The following DENND2B variants were observed in gnomAD, a reference collection of about 807,000 sequenced individuals.
DENND2B encodes DENN domain containing 2B.
DENND2B carries 32 observed loss-of-function variants against 116.0 expected under a neutral mutation model. The ratio of observed to expected loss-of-function variants is 0.28; its 90% CI spans 0.21 to 0.37. The LOEUF is 0.37. Among genes scored for constraint, DENND2B ranks in the 10% least tolerant of loss-of-function variants. The probability of loss-of-function intolerance (pLI) is 1.00; values close to 1 mark genes in which losing one functional copy is unlikely to be tolerated. For synonymous variants in DENND2B, 588 were observed against 583.9 expected (o/e 1.01, Z -0.10); for missense variants, 1,276 against 1,477.7 (o/e 0.86, Z 2.24).
intron 4 of DENND2B, among the ~76,000 whole-genome samples, chr11:8,827,314 G>A (rs2062016627): frequency 6.6e-6 from 1 of 152,206 alleles, no homozygotes; most frequent in African/African-American, 2.4e-5. Flanking sequence ...AGTGCCAGCA[G>A]AACACTCCCT....
intron 1 of DENND2B, among the ~76,000 whole-genome samples, chr11:8,899,010 TA>T (rs1566090982): frequency 6.6e-6 from 1 of 151,882 alleles, no homozygotes; most frequent in Non-Finnish European, 1.5e-5. Context: ...AGAATATCAA[TA>T]AAAATAAATT....
At chr11:8,792,428 A>C (rs1416190738) in intron 1 of DENND2B, among the ~76,000 whole-genome samples, 1 of 152,220 alleles carries the variant, frequency 6.6e-6, no homozygotes, top group Non-Finnish European at 1.5e-5. Flanking sequence ...TTGAAGGAAA[A>C]TATTTGCCTA....
chr11:8,795,691 A>G (rs2059753996), intron 1 of DENND2B, among the ~76,000 whole-genome samples: 2 of 152,134 alleles, frequency 1.3e-5, no homozygotes. Context: ...CATCTTCTAC[A>G]TGGTCTCCTA....
At chr11:8,796,272 T>C (rs2059805454) in intron 1 of DENND2B, among the ~76,000 whole-genome samples, 1 of 152,174 alleles carries the variant, frequency 6.6e-6, no homozygotes, top group Non-Finnish European at 1.5e-5. Flanking sequence ...CCGGACACAG[T>C]GGCTCACGCC....
Position 8,731,347 on chromosome 11 carries a change from A to C in DENND2B, c.81-138T>G, listed in dbSNP as rs1046642525. On this transcript the variant is annotated intron_variant, in intron 2 of 19. Coordinates refer to ENST00000313726, the MANE Select transcript of DENND2B (RefSeq NM_213618.2). ...TCTCAAAGAGTATTCTATTCAAGTA[A>C]TATACCTTGAAGGCTGTCTTCAAGG... 44 of 842,884 alleles carry C rather than the reference A, an allele frequency of 5.2e-5. 1 individual carries two copies. Among genetic ancestry groups the C allele is most frequent in the Non-Finnish European group, 5.2e-6 (3 of 572,230 alleles). The allele number at this position is 842,884 out of a possible 1,614,324, so 52.2% of individuals were successfully genotyped here.
At chr11:8,729,584 G>A (rs2047730420) in intron 3 of DENND2B, among the ~76,000 whole-genome samples, 2 of 152,118 alleles carry the variant, frequency 1.3e-5, no homozygotes, top group African/African-American at 2.4e-5. Context: ...TGGTAGGGAG[G>A]CTAAGATCCT....
At chr11:8,889,764 T>C (rs1594345225) in intron 1 of DENND2B, among the ~76,000 whole-genome samples, 1 of 151,608 alleles carries the variant, frequency 6.6e-6, no homozygotes. Context: ...CTGGGTGGAG[T>C]CCACCGCAGC....
chr11:8,696,582 G>A lies in DENND2B; in HGVS notation c.3137C>T (p.Thr1046Ile), dbSNP rs757244722. Reference protein sequence around the residue: ...ETVGHYSLFLTQSEKGERAFQ... With the variant: ...ETVGHYSLFLIQSEKGERAFQ... ...GGCCCTCTCTCCCTTCTCACTCTGTGTCAGAAAGAGGGAGTAGTGCCCAAC... is the reference window on the plus strand; with the variant it reads ...GGCCCTCTCTCCCTTCTCACTCTGTATCAGAAAGAGGGAGTAGTGCCCAAC... The change falls in exon 18 of 20, where the codon ACA (threonine) becomes ATA (isoleucine). Residue 1046 changes from threonine to isoleucine, a missense_variant. Physicochemically the swap from Thr to Ile is moderately conservative, Grantham distance 89. Transcript: ENST00000313726. 28 of 1,614,078 alleles carry A rather than the reference G, an allele frequency of 1.7e-5. No homozygotes were observed. In the Admixed American group the frequency reaches 4.3e-4, roughly 25 times the overall value.
At chr11:8,715,462 G>T in intron 6 of DENND2B, 141 bp downstream of exon 6, 1 of 784,720 alleles carries the variant, frequency 1.3e-6, no homozygotes, top group South Asian at 1.8e-5. Context: ...AGAGGCCAGT[G>T]CACGGACCCA....
At chr11:8,901,782 A>G (rs143401778) in intron 1 of DENND2B, among the ~76,000 whole-genome samples, 20 of 152,170 alleles carry the variant, frequency 1.3e-4, no homozygotes, top group African/African-American at 4.8e-4. Flanking sequence ...CAAATTGTCT[A>G]TTGTTGATTT....
intron 1 of DENND2B, among the ~76,000 whole-genome samples, chr11:8,898,314 C>T (rs551314991): frequency 2.9e-4 from 44 of 152,052 alleles, no homozygotes; most frequent in African/African-American, 7.5e-4. Context: ...ACTGCTTCAG[C>T]GCAGAAATTC....
chr11:8,773,671 G>A (rs2057254339), intron 1 of DENND2B, among the ~76,000 whole-genome samples: 1 of 152,128 alleles, frequency 6.6e-6, no homozygotes, highest in Non-Finnish European at 1.5e-5. Context: ...AAATAATGTA[G>A]TCTGATGGAC....
intron 1 of DENND2B, among the ~76,000 whole-genome samples, chr11:8,897,980 C>T (rs2064123211): frequency 6.6e-6 from 1 of 152,130 alleles, no homozygotes. Flanking sequence ...TGCTGTGTTA[C>T]CTGGGCTGGC....
chr11:8,766,611 C>G, intron 1 of DENND2B: 1 of 1,288,898 alleles, frequency 7.8e-7, no homozygotes, highest in South Asian at 1.2e-5. Flanking sequence ...CTCAGGCTTT[C>G]TGGGTGAAGA....
intron 17 of DENND2B, among the ~76,000 whole-genome samples, chr11:8,697,090 C>T (rs936800414): frequency 2.0e-5 from 3 of 152,224 alleles, no homozygotes; most frequent in African/African-American, 7.2e-5. Context: ...TTCTTGTGCT[C>T]ATAGCCTTGT....
chr11:8,767,600 A>G (rs1277777439), intron 1 of DENND2B, among the ~76,000 whole-genome samples: 2 of 152,202 alleles, frequency 1.3e-5, no homozygotes, highest in African/African-American at 4.8e-5. Context: ...CGTCAAAAAA[A>G]TGAACAAATG....
chr11:8,721,423 G>T (rs1429058351), intron 4 of DENND2B, among the ~76,000 whole-genome samples: 1 of 152,180 alleles, frequency 6.6e-6, no homozygotes, highest in Non-Finnish European at 1.5e-5. Flanking sequence ...CACAGGCACT[G>T]AGAATTTCTC....
chr11:8,899,990 A>G (rs1481001611), intron 1 of DENND2B, among the ~76,000 whole-genome samples: 1 of 152,190 alleles, frequency 6.6e-6, no homozygotes, highest in East Asian at 1.9e-4. Flanking sequence ...AATTAAGTTT[A>G]TATCAATCAG....
intron 2 of DENND2B, among the ~76,000 whole-genome samples, chr11:8,876,944 GGGCA>G (rs2063848674): frequency 6.8e-6 from 1 of 147,748 alleles, no homozygotes; most frequent in Admixed American, 6.9e-5. Flanking sequence ...TGCTGATGCT[GGGCA>G]GGCTGGATCT....
Sources: gnomAD v4.1 joint callset for allele counts (sites outside exome capture counted in the v4.1 genomes callset) on GRCh38, gnomAD v4.1.1 for gene constraint, MANE v1.5 for transcripts, NCBI Gene and HGNC (gene_info 2026-07-23, HGNC 2026-07-21) for gene names.